Variants in FBXW8 observed in about 807,000 individuals in gnomAD.
FBXW8 encodes the protein F-box and WD repeat domain containing 8.
Under a neutral mutation model 65.3 loss-of-function variants are expected in FBXW8, and 57 were observed. The observed-to-expected ratio is 0.87, with a 90% CI of 0.71 to 1.09. FBXW8 has a LOEUF of 1.09. Ranked by LOEUF, FBXW8 falls within the 50% of genes least tolerant of loss-of-function variation. The pLI, the probability that FBXW8 is intolerant of heterozygous loss-of-function variation, is 0.00. For synonymous variants in FBXW8, 308 were observed against 330.2 expected (o/e 0.93, Z 0.73); for missense variants, 777 against 814.8 (o/e 0.95, Z 0.57).
Position 116,961,937 on chromosome 12 carries a change from G to A in FBXW8, c.678-2760G>A, listed in dbSNP as rs138197096. On this transcript the variant is annotated intron_variant, in intron 4 of 10. Coordinates refer to ENST00000652555, the MANE Select transcript of FBXW8 (RefSeq NM_153348.3). The surrounding 1 kb of genome is among the most constrained non-coding windows in gnomAD (Gnocchi z 4.4). ...CTGTAGTAGTCGGGTGTGAATGTGAGGTGTTGGGGGATTTGGACCAGGGTG... is the reference window on the plus strand; with the variant it reads ...CTGTAGTAGTCGGGTGTGAATGTGAAGTGTTGGGGGATTTGGACCAGGGTG... Among the ~76,000 whole-genome samples, 360 of 152,270 alleles carry A rather than the reference G, an allele frequency of 2.4e-3. 1 individual carries two copies. Among genetic ancestry groups the A allele is most frequent in the African/African-American group, 8.1e-3 (336 of 41,534 alleles).
At chr12:116,971,579 A>G (rs897302231) in intron 5 of FBXW8, among the ~76,000 whole-genome samples, 1 of 152,166 alleles carries the variant, frequency 6.6e-6, no homozygotes, top group African/African-American at 2.4e-5. Context: ...GGAGCTTGAA[A>G]TGATACATGC....
intron 5 of FBXW8, among the ~76,000 whole-genome samples, chr12:116,965,375 C>A (rs1884251751): frequency 6.6e-6 from 1 of 152,152 alleles, no homozygotes; most frequent in Non-Finnish European, 1.5e-5. Context: ...TCTTTTTGTA[C>A]ATGAACAACT....
At chr12:116,995,766 A>G (rs370653927) in intron 7 of FBXW8, among the ~76,000 whole-genome samples, 1 of 152,352 alleles carries the variant, frequency 6.6e-6, no homozygotes, top group African/African-American at 2.4e-5. Context: ...ATTGTAAAAG[A>G]AAACAAAGGT....
chr12:116,982,973 T>A (rs144093776), intron 5 of FBXW8, among the ~76,000 whole-genome samples: 194 of 152,244 alleles, frequency 1.3e-3, no homozygotes, highest in Middle Eastern at 6.8e-3. Context: ...AGTCATGACA[T>A]AACAAGTGGC....
intron 1 of FBXW8, among the ~76,000 whole-genome samples, chr12:116,927,125 A>G (rs16947120): frequency 2.0e-3 from 308 of 152,300 alleles, no homozygotes; most frequent in African/African-American, 7.1e-3. Flanking sequence ...GCAGAAGCAC[A>G]TACCAAAGTG....
At chr12:116,950,594 G>A (rs941549369) in intron 4 of FBXW8, 4 of 152,046 alleles carry the variant, frequency 2.6e-5, no homozygotes, top group African/African-American at 4.8e-5. Context: ...CCACACAGTC[G>A]GATTATTTTA....
At chr12:117,003,147 A>G (rs1953577912) in intron 7 of FBXW8, 1 of 152,276 alleles carries the variant, frequency 6.6e-6, no homozygotes, top group Non-Finnish European at 1.5e-5. Context: ...GTTGGTGGAC[A>G]GCAAATCGAC....
At chr12:117,019,260 A>T (rs943043340) in intron 8 of FBXW8, among the ~76,000 whole-genome samples, 15 of 152,168 alleles carry the variant, frequency 9.9e-5, no homozygotes, top group Admixed American at 8.5e-4. Flanking sequence ...CACTGGATGG[A>T]CTTGTTATGG....
intron 4 of FBXW8, among the ~76,000 whole-genome samples, chr12:116,954,130 A>G (rs901495527): frequency 2.0e-5 from 3 of 151,652 alleles, no homozygotes; most frequent in African/African-American, 4.8e-5. Context: ...AAAAAAAAAA[A>G]AAAAGAAAAA....
At chr12:116,940,917 G>T (rs1882523490) in intron 2 of FBXW8, among the ~76,000 whole-genome samples, 1 of 152,166 alleles carries the variant, frequency 6.6e-6, no homozygotes, top group African/African-American at 2.4e-5. Flanking sequence ...TGCATTGAGA[G>T]AGTGTCAGAA....
chr12:117,014,775 C>G (rs1206355097), intron 8 of FBXW8, among the ~76,000 whole-genome samples: 1 of 152,180 alleles, frequency 6.6e-6, no homozygotes, highest in Non-Finnish European at 1.5e-5. Flanking sequence ...GCTCTTAAAG[C>G]CGTTGCCGTC....
At chr12:116,987,676 T>C (rs1035363669) in intron 6 of FBXW8, among the ~76,000 whole-genome samples, 4 of 152,124 alleles carry the variant, frequency 2.6e-5, no homozygotes, top group Non-Finnish European at 5.9e-5. Context: ...CTGAATGTTA[T>C]TTATTCAGTT....
chr12:117,012,424 A>G (rs564443003), intron 8 of FBXW8, among the ~76,000 whole-genome samples: 1 of 152,280 alleles, frequency 6.6e-6, no homozygotes, highest in East Asian at 1.9e-4. Flanking sequence ...CACTGCTGGT[A>G]CATTAGGGGC....
intron 4 of FBXW8, among the ~76,000 whole-genome samples, chr12:116,957,666 A>G (rs1883736462): frequency 1.3e-5 from 2 of 152,164 alleles, no homozygotes; most frequent in South Asian, 4.1e-4. Context: ...CTCCTTTTTT[A>G]AAAAAACTTT....
intron 2 of FBXW8, among the ~76,000 whole-genome samples, chr12:116,941,207 C>G (rs535897652): frequency 6.6e-6 from 1 of 152,284 alleles, no homozygotes; most frequent in African/African-American, 2.4e-5. Flanking sequence ...TGCCTGGGCC[C>G]CATTGGCCAG....
At chr12:116,927,151 A>G (rs1881390190) in intron 1 of FBXW8, among the ~76,000 whole-genome samples, 1 of 152,120 alleles carries the variant, frequency 6.6e-6, no homozygotes, top group Admixed American at 6.5e-5. Context: ...TGGCAGGTGG[A>G]TTGGGAACAG....
At chr12:116,920,458 G>A (rs1044035699) in intron 1 of FBXW8, among the ~76,000 whole-genome samples, 2 of 152,258 alleles carry the variant, frequency 1.3e-5, no homozygotes, top group African/African-American at 2.4e-5. Context: ...TTCTGGGGAA[G>A]AGGGAGTTAG....
chr12:116,933,358 A>G (rs936763192), intron 2 of FBXW8, among the ~76,000 whole-genome samples: 44 of 152,256 alleles, frequency 2.9e-4, no homozygotes, highest in African/African-American at 1.0e-3. Context: ...CCTGCTTTGT[A>G]GAGAGCCATG....
chr12:116,937,853 C>CG (rs1555217779), intron 2 of FBXW8, among the ~76,000 whole-genome samples: 1 of 147,154 alleles, frequency 6.8e-6, no homozygotes, highest in Admixed American at 6.7e-5. Flanking sequence ...GAGCCAACAG[C>CG]TTTTTTTTTT....
Sources: gnomAD v4.1 joint callset for allele counts (sites outside exome capture counted in the v4.1 genomes callset) on GRCh38, gnomAD v4.1.1 for gene constraint, Gnocchi (gnomAD v3.1) non-coding constraint, MANE v1.5 for transcripts, NCBI Gene and HGNC (gene_info 2026-07-23, HGNC 2026-07-21) for gene names.